Variants in LRP1B observed in about 807,000 individuals in gnomAD.
LRP1B encodes the protein low-density lipoprotein receptor-related protein 1B.
Under a neutral mutation model 556.6 loss-of-function variants are expected in LRP1B, and 217 were observed. The observed-to-expected ratio is 0.39, with a 90% CI of 0.35 to 0.44. The LOEUF (loss-of-function observed/expected upper bound fraction) is 0.44, where lower values mean the gene tolerates loss of function less well. Among genes scored for constraint, LRP1B ranks in the 20% least tolerant of loss-of-function variants. LRP1B has a pLI of 1.00. For synonymous variants in LRP1B, 2,047 were observed against 1,865.8 expected (o/e 1.10, Z -2.50); for missense variants, 5,053 against 5,620.8 (o/e 0.90, Z 3.23).
At chr2:142,103,721 T>C (rs1706647060) in intron 1 of LRP1B, among the ~76,000 whole-genome samples, 1 of 151,746 alleles carries the variant, frequency 6.6e-6, no homozygotes, top group South Asian at 2.1e-4. Flanking sequence ...TGATTTTTCA[T>C]GAATTAAATA....
intron 7 of LRP1B, among the ~76,000 whole-genome samples, chr2:141,144,836 A>G (rs917071017): frequency 2.6e-5 from 4 of 152,236 alleles, no homozygotes; most frequent in Non-Finnish European, 4.4e-5. Context: ...AATGTCAATT[A>G]TAATTACATC....
chr2:140,271,960 A>T (rs540395615), intron 85 of LRP1B, among the ~76,000 whole-genome samples: 1 of 152,016 alleles, frequency 6.6e-6, no homozygotes, highest in South Asian at 2.1e-4. Context: ...AGCTCATTAT[A>T]CATTAAATGA....
chr2:142,055,775 A>G (rs1704645955), intron 1 of LRP1B, among the ~76,000 whole-genome samples: 1 of 152,156 alleles, frequency 6.6e-6, no homozygotes, highest in African/African-American at 2.4e-5. Context: ...GCTGGAAATG[A>G]TGGCTCCTAA....
chr2:141,185,641 G>A (rs1259120573), intron 7 of LRP1B, among the ~76,000 whole-genome samples: 1 of 127,648 alleles, frequency 7.8e-6, no homozygotes, highest in Non-Finnish European at 1.6e-5. Context: ...TCCAGAGAAA[G>A]TTAGTAATCT....
rs185554415 is a variant in LRP1B at position 142,063,373 on chromosome 2, G to A, written c.82+67275C>T. Among the ~76,000 whole-genome samples, 17 of 151,582 alleles carry A rather than the reference G, an allele frequency of 1.1e-4. No individual in the cohort carries two copies. The East Asian group carries it at 2.7e-3, about 24-fold the overall frequency. ...AAAATTATATAATAGCTTTTGCATCGAAGATACTCTTAGAAAGTTAAATTC... is the reference window on the plus strand; with the variant it reads ...AAAATTATATAATAGCTTTTGCATCAAAGATACTCTTAGAAAGTTAAATTC... On this transcript the variant is annotated intron_variant, in intron 1 of 90. Transcript: ENST00000389484.
chr2:141,722,614 C>G (rs774470821), intron 2 of LRP1B, among the ~76,000 whole-genome samples: 4 of 151,922 alleles, frequency 2.6e-5, no homozygotes, highest in Admixed American at 1.3e-4. Flanking sequence ...TATTAATTTC[C>G]CTCACCTGTC....
intron 3 of LRP1B, among the ~76,000 whole-genome samples, chr2:141,436,755 C>T (rs1488479486): frequency 2.0e-5 from 3 of 152,076 alleles, no homozygotes; most frequent in Admixed American, 2.0e-4. Context: ...GTTTTAGTTT[C>T]TCTGAGGAAC....
At chr2:140,620,033 T>A (rs1203300038) in intron 41 of LRP1B, among the ~76,000 whole-genome samples, 1 of 152,202 alleles carries the variant, frequency 6.6e-6, no homozygotes, top group Non-Finnish European at 1.5e-5. Context: ...TTCTCTTTTG[T>A]CTTTTTGTCT....
chr2:140,348,167 G>A (rs1681779979), intron 77 of LRP1B, among the ~76,000 whole-genome samples: 1 of 151,930 alleles, frequency 6.6e-6, no homozygotes, highest in African/African-American at 2.4e-5. Flanking sequence ...AGATGAATAA[G>A]CTGAGACCCA....
chr2:140,653,514 A>T (rs1251932968), intron 41 of LRP1B, among the ~76,000 whole-genome samples: 4 of 152,070 alleles, frequency 2.6e-5, no homozygotes. Flanking sequence ...TGATAATAAC[A>T]ACGTAAAGAA....
chr2:141,933,429 G>A (rs765058224), intron 1 of LRP1B, among the ~76,000 whole-genome samples: 1 of 152,066 alleles, frequency 6.6e-6, no homozygotes, highest in Non-Finnish European at 1.5e-5. Context: ...AGGTGAAACC[G>A]AGTTCTGTTT....
chr2:140,400,816 A>G (rs1684464857), intron 66 of LRP1B, among the ~76,000 whole-genome samples: 1 of 152,150 alleles, frequency 6.6e-6, no homozygotes, highest in Non-Finnish European at 1.5e-5. Context: ...AGAGTGTGAG[A>G]TGGAAGAGAC....
intron 84 of LRP1B, among the ~76,000 whole-genome samples, chr2:140,291,159 A>C (rs2104986401): frequency 6.6e-6 from 1 of 151,304 alleles, no homozygotes; most frequent in Admixed American, 6.6e-5. Flanking sequence ...CAGGAAAAAT[A>C]AATTTCCAAA....
intron 1 of LRP1B, among the ~76,000 whole-genome samples, chr2:142,076,150 C>A (rs115981821): frequency 0.01 from 1,538 of 152,106 alleles, 15 homozygotes; most frequent in African/African-American, 0.029. Context: ...ATCTGACAAA[C>A]CATTTTCTTA....
intron 15 of LRP1B, among the ~76,000 whole-genome samples, chr2:140,999,224 C>T (rs1697340358): frequency 6.6e-6 from 1 of 152,094 alleles, no homozygotes; most frequent in East Asian, 1.9e-4. Context: ...GGAAGCTAGG[C>T]AAGTTGCAGG....
chr2:141,192,569 T>TA lies in LRP1B; in HGVS notation c.851-3987dup, dbSNP rs1295047397. Among the ~76,000 whole-genome samples, 14 of 152,042 alleles carry TA rather than the reference T, an allele frequency of 9.2e-5. No individual in the cohort carries two copies. In the East Asian group the frequency reaches 2.3e-3, roughly 25 times the overall value. ...AACAAAATTTTAAATATTTTCTTCT[T>TA]ACCATATTTTTTTAGTTGCTACTTA... On this transcript the variant is annotated intron_variant, in intron 6 of 90. Transcript: ENST00000389484.
At chr2:141,916,974 G>T (rs570360815) in intron 1 of LRP1B, among the ~76,000 whole-genome samples, 1 of 152,138 alleles carries the variant, frequency 6.6e-6, no homozygotes, top group African/African-American at 2.4e-5. Context: ...AATAAATTTG[G>T]ACAAAATGGG....
At chr2:142,052,709 G>A (rs969248614) in intron 1 of LRP1B, among the ~76,000 whole-genome samples, 2 of 151,786 alleles carry the variant, frequency 1.3e-5, no homozygotes, top group African/African-American at 2.4e-5. Flanking sequence ...TCTCTCTAAC[G>A]GTCTCCCCTG....
intron 20 of LRP1B, among the ~76,000 whole-genome samples, chr2:140,936,436 C>T (rs1695214173): frequency 6.7e-6 from 1 of 148,678 alleles, no homozygotes; most frequent in Non-Finnish European, 1.5e-5. Context: ...TTTGGCAAAA[C>T]TGCCCTTCAA....
Sources: allele counts gnomAD v4.1 joint callset (sites outside exome capture counted in the v4.1 genomes callset), GRCh38; gene constraint gnomAD v4.1.1; transcripts MANE v1.5; gene names NCBI Gene and HGNC (gene_info 2026-07-23, HGNC 2026-07-21).